PSMD11: variants seen among roughly 807,000 people sequenced by gnomAD.
The protein encoded by PSMD11 is 26S proteasome non-ATPase regulatory subunit 11.
PSMD11 carries 5 observed loss-of-function variants against 62.3 expected under a neutral mutation model. The observed-to-expected ratio is 0.08, with a 90% confidence interval of 0.04 to 0.17. The LOEUF is 0.17. PSMD11 is among the 10% of genes least tolerant of loss of function. PSMD11 has a pLI of 1.00. For synonymous variants in PSMD11, 191 were observed against 191.8 expected, an observed-to-expected ratio of 1.00 and a Z score of 0.03; for missense variants, 310 against 512.9, an observed-to-expected ratio of 0.60 and a Z score of 3.82.
chr17:32,472,505 T>C (rs1253526924), intron 6 of PSMD11, among the ~76,000 whole-genome samples: 1 of 151,586 alleles, frequency 6.6e-6, no homozygotes, highest in Non-Finnish European at 1.5e-5. Flanking sequence ...ATTATAGACG[T>C]TAGAGTTTAC....
chr17:32,446,644 A>G (rs972554598), intron 1 of PSMD11, among the ~76,000 whole-genome samples: 3 of 152,224 alleles, frequency 2.0e-5, no homozygotes, highest in Admixed American at 6.5e-5. Context: ...TTTCACTTTA[A>G]CCAAGTGACC....
chr17:32,471,812 G>C (rs1401905917), intron 6 of PSMD11, among the ~76,000 whole-genome samples: 1 of 152,000 alleles, frequency 6.6e-6, no homozygotes, highest in Non-Finnish European at 1.5e-5. Context: ...TGGGAGGTCA[G>C]AGACTTGGAT....
In PSMD11 at chr17:32,480,640, T is replaced by TG. The variant is rs778378104; in HGVS notation, c.*11dup. 2.4e-4 allele frequency: 381 copies of TG among 1,613,990 alleles called. 2 individuals carry two copies. The highest frequency in any genetic ancestry group is 9.3e-6 in the Non-Finnish European group (11 of 1,179,992). On this transcript the variant is annotated intron_variant, in intron 13 of 13. Transcript: ENST00000261712. ...CCAAGAAACTGACATAGGTGAGTGC[T>TG]GGCTTCAGGACCCCAGGGCTGGGCA...
rs1317007608 is a variant in PSMD11 at position 32,459,136 on chromosome 17, A to G, written c.318+4517A>G. Reference sequence around the variant, plus strand: ...AATACATATATATATATATATATATATATGTATTTTTTTTTTTGCTTATAT... The same window carrying G: ...AATACATATATATATATATATATATGTATGTATTTTTTTTTTTGCTTATAT... On this transcript the variant is annotated intron_variant, in intron 3 of 13. Coordinates refer to ENST00000261712, the MANE Select transcript of PSMD11 (RefSeq NM_002815.4). 5.6e-5 allele frequency among the ~76,000 whole-genome samples: 8 copies of G among 142,376 alleles called. No individual in the cohort carries two copies. The South Asian group carries it at 6.6e-4, about 12-fold the overall frequency. The allele number at this position is 142,376 out of a possible 152,430, so 93.4% of individuals were successfully genotyped here. A position where few individuals can be genotyped will look rare whatever the true frequency, so the allele number is the denominator to read the frequency against.
rs1007187602 is a variant in PSMD11 at position 32,482,097 on chromosome 17, C to T, written c.*1345C>T. On this transcript the variant is annotated 3_prime_UTR_variant, in exon 14 of 14. Transcript: ENST00000261712. ...CTTCTGCTGGCCTCCTTTTCTCTTTCTTTACCTTCCTTGGATTATCCTTCC... is the reference window on the plus strand; with the variant it reads ...CTTCTGCTGGCCTCCTTTTCTCTTTTTTTACCTTCCTTGGATTATCCTTCC... 4 of 152,064 alleles carry T rather than the reference C, an allele frequency of 2.6e-5. No homozygotes were observed. The highest frequency in any genetic ancestry group is 9.6e-5 in the African/African-American group (4 of 41,474). 9.4% of individuals were successfully genotyped at this position (152,064 alleles called of 1,614,324 possible).
At chr17:32,480,329 G>C in intron 12 of PSMD11, 132 bp downstream of exon 12, 1 of 1,451,160 alleles carries the variant, frequency 6.9e-7, no homozygotes, top group Non-Finnish European at 9.6e-7. Context: ...TCTTCCCTGT[G>C]ATGAGAATGT....
At chr17:32,479,219 G>A in intron 9 of PSMD11, 32 bp from the exon 10 acceptor site, 3 of 1,611,034 alleles carry the variant, frequency 1.9e-6, no homozygotes, top group Non-Finnish European at 1.7e-6. Context: ...GTGATTCTCT[G>A]TGCCAATCTC....
chr17:32,467,491 C>T (rs1908030708), intron 5 of PSMD11, among the ~76,000 whole-genome samples: 1 of 152,192 alleles, frequency 6.6e-6, no homozygotes, highest in Non-Finnish European at 1.5e-5. Flanking sequence ...GGTGATGTGC[C>T]CGCCTTGGCC....
chr17:32,457,332 G>C (rs1045752093), intron 3 of PSMD11, among the ~76,000 whole-genome samples: 4 of 151,980 alleles, frequency 2.6e-5, no homozygotes, highest in African/African-American at 9.7e-5. Context: ...CAACCTCCTG[G>C]AGTCAAGTGA....
chr17:32,457,292 C>T (rs1238096711), intron 3 of PSMD11, among the ~76,000 whole-genome samples: 1 of 152,032 alleles, frequency 6.6e-6, no homozygotes, highest in Non-Finnish European at 1.5e-5. Flanking sequence ...GGCTGGAGTG[C>T]AGTGACACAA....
At chr17:32,456,374 T>G (rs1331401221) in intron 3 of PSMD11, among the ~76,000 whole-genome samples, 1 of 151,782 alleles carries the variant, frequency 6.6e-6, no homozygotes, top group East Asian at 1.9e-4. Flanking sequence ...AGAACAGCAT[T>G]TATTTTTTTT....
chr17:32,479,784 C>T, intron 10 of PSMD11, 67 bp from the exon 11 acceptor site: 2 of 1,539,912 alleles, frequency 1.3e-6, no homozygotes, highest in Non-Finnish European at 9.0e-7. Flanking sequence ...CCCCTGTTCC[C>T]TCCCTTCTCT....
intron 3 of PSMD11, among the ~76,000 whole-genome samples, chr17:32,463,670 T>C (rs1352426371): frequency 6.6e-6 from 1 of 152,250 alleles, no homozygotes; most frequent in Non-Finnish European, 1.5e-5. Context: ...ATTACCTGTG[T>C]ATTATACATT....
chr17:32,454,650 A>G, intron 3 of PSMD11, 31 bp downstream of exon 3: 1 of 1,604,186 alleles, frequency 6.2e-7, no homozygotes, highest in Non-Finnish European at 8.5e-7. Context: ...AAAGTAGACA[A>G]TATGGAGAAA....
At position 32,454,539 on chromosome 17, in the gene PSMD11, A is replaced by G; in HGVS notation, c.238A>G (p.Ile80Val). The G allele has an allele frequency of 6.2e-7, 1 of 1,614,036 alleles. No individual in the cohort carries two copies. ...LKYVRPFLNS[I>V]SKAKAARLVR... ...GTATGTACGACCCTTCTTGAATTCC[A>G]TCAGCAAGGCTAAAGCAGCTCGCCT... The change falls in exon 3 of 14, where the codon ATC becomes GTC. Residue 80 changes from isoleucine to valine, a missense_variant. Coordinates refer to ENST00000261712, the MANE Select transcript of PSMD11 (RefSeq NM_002815.4).
chr17:32,463,384 T>A (rs1907899609), intron 3 of PSMD11: 1 of 152,090 alleles, frequency 6.6e-6, no homozygotes, highest in Non-Finnish European at 1.5e-5. Context: ...TTAAGACTAG[T>A]CAAAGTGCAG....
In PSMD11 at chr17:32,465,957, A is replaced by G. The variant is rs190561019; in HGVS notation, c.448+1379A>G. ...GCCACTGTACTCCAGCCTGGGCAAC[A>G]GAGCGAGACTCTGTCTCCAAAAAAA... On this transcript the variant is annotated intron_variant, in intron 5 of 13. Coordinates refer to ENST00000261712, the MANE Select transcript of PSMD11 (RefSeq NM_002815.4). Among the ~76,000 whole-genome samples the G allele has an allele frequency of 2.0e-5, 3 of 152,176 alleles. No individual in the cohort carries two copies. In the East Asian group the frequency reaches 5.8e-4, roughly 30 times the overall value.
rs575806702 is a variant in PSMD11, at chr17:32,480,286, TC to T, written c.1126+94del. 2.9e-4 allele frequency: 447 copies of T among 1,546,512 alleles called. 9 individuals are homozygous for T. The South Asian group carries it at 4.8e-3, about 17-fold the overall frequency. Reference sequence around the variant, plus strand: ...TTTCAAAGAAGATGTTCTATTTGTTTCCCCCGATGGTTCACCCTGGGGTCCT... The same window carrying T: ...TTTCAAAGAAGATGTTCTATTTGTTTCCCCGATGGTTCACCCTGGGGTCCT... On this transcript the variant is annotated intron_variant, in intron 12 of 13. Transcript: ENST00000261712.
At chr17:32,477,273 G>A (rs1597843558) in intron 8 of PSMD11, 3 of 390,630 alleles carry the variant, frequency 7.7e-6, no homozygotes, top group South Asian at 1.6e-4. Flanking sequence ...TATTAGGGTC[G>A]GTCTGTTTGG....
Sources: allele counts gnomAD v4.1 joint callset (sites outside exome capture counted in the v4.1 genomes callset), GRCh38; gene constraint gnomAD v4.1.1; transcripts MANE v1.5; gene names NCBI Gene and HGNC (gene_info 2026-07-23, HGNC 2026-07-21).